Variants in RPE65 observed in about 807,000 individuals in gnomAD.
RPE65 encodes retinoid isomerohydrolase.
RPE65 carries 58 observed loss-of-function variants against 68.5 expected under a neutral mutation model. The ratio of observed to expected loss-of-function variants is 0.85; its 90% confidence interval spans 0.69 to 1.05. The LOEUF (loss-of-function observed/expected upper bound fraction) is 1.05, where lower values mean the gene tolerates loss of function less well. Ranked by LOEUF, RPE65 falls within the 50% of genes least tolerant of loss-of-function variation. The pLI is 0.00. For missense variants in RPE65, 643 were observed against 629.9 expected (o/e 1.02, Z -0.22); for synonymous variants, 220 against 222.2 (o/e 0.99, Z 0.09).
chr1:68,441,114 C>T (rs1296977259), intron 5 of RPE65, 114 bp from the exon 6 acceptor site: 1 of 1,219,838 alleles, frequency 8.2e-7, no homozygotes, highest in Non-Finnish European at 1.2e-6. Flanking sequence ...GTGCACTTCT[C>T]TTTCTTCCCA....
intron 1 of RPE65, 132 bp downstream of exon 1, chr1:68,449,763 T>G (rs1449616503): frequency 2.8e-6 from 3 of 1,074,154 alleles, no homozygotes; most frequent in Non-Finnish European, 4.2e-6. Context: ...AGGAAAAAAT[T>G]TCCCCACCAA....
chr1:68,433,989 G>T (rs1645843619), intron 10 of RPE65, among the ~76,000 whole-genome samples: 1 of 151,808 alleles, frequency 6.6e-6, no homozygotes, highest in South Asian at 2.1e-4. Context: ...AATTGCAGTA[G>T]GGCAAGTGAT....
intron 6 of RPE65, among the ~76,000 whole-genome samples, 168 bp from the exon 7 acceptor site, chr1:68,439,810 C>G (rs949765668): frequency 3.3e-5 from 5 of 152,060 alleles, no homozygotes; most frequent in African/African-American, 1.2e-4. Context: ...TCATGTGAAG[C>G]TGCAAAATCA....
At position 68,439,863 on chromosome 1, in the gene RPE65, C is replaced by A. The variant is rs12058579; in HGVS notation, c.644-221G>T. ...AGCAGCAGATTTGGAAACGTGCACT[C>A]AAATAGGGTTGTGGCAAGTGGAGTG... On this transcript the variant is annotated intron_variant, in intron 6 of 13. Coordinates refer to ENST00000262340, the MANE Select transcript of RPE65 (RefSeq NM_000329.3). 1.8e-3 allele frequency among the ~76,000 whole-genome samples: 272 copies of A among 152,208 alleles called. 1 individual carries two copies. Among genetic ancestry groups the A allele is most frequent in the African/African-American group, 5.0e-3 (208 of 41,532 alleles).
chr1:68,429,730 G>A lies in RPE65; in HGVS notation c.*46C>T, dbSNP rs1432545469. On this transcript the variant is annotated 3_prime_UTR_variant, in exon 14 of 14. Transcript: ENST00000262340. Reference sequence around the variant, plus strand: ...AGAATTTGATTGCAGACCTGAAGCTGATTTTCTCAGTTTTGCTACCAAAAA... The same window carrying A: ...AGAATTTGATTGCAGACCTGAAGCTAATTTTCTCAGTTTTGCTACCAAAAA... 3 of 1,611,492 alleles carry A rather than the reference G, an allele frequency of 1.9e-6. No individual in the cohort carries two copies. Among genetic ancestry groups the A allele is most frequent in the South Asian group, 1.1e-5 (1 of 90,914 alleles).
intron 9 of RPE65, among the ~76,000 whole-genome samples, chr1:68,438,587 G>C (rs890241924): frequency 1.2e-4 from 18 of 152,144 alleles, no homozygotes. Flanking sequence ...CTTAGGTGCT[G>C]TTGTCTTCTT....
intron 7 of RPE65, 91 bp from the exon 8 acceptor site, chr1:68,439,414 G>C: frequency 6.3e-7 from 1 of 1,575,784 alleles, no homozygotes; most frequent in South Asian, 1.1e-5. Flanking sequence ...TCAGTTACAA[G>C]AATCAACAGT....
At chr1:68,446,983 A>T in intron 2 of RPE65, 123 bp from the exon 3 acceptor site, 1 of 1,337,022 alleles carries the variant, frequency 7.5e-7, no homozygotes, top group Non-Finnish European at 1.1e-6. Context: ...GCTGGCAGTG[A>T]TTTTCATTTC....
intron 10 of RPE65, among the ~76,000 whole-genome samples, chr1:68,437,318 C>A (rs1645868727): frequency 6.6e-6 from 1 of 152,296 alleles, no homozygotes. Flanking sequence ...GCATTTTTAA[C>A]TCCTCCTTGC....
Position 68,432,594 on chromosome 1 carries a change from A to AT in RPE65, c.1129-1010dup, listed in dbSNP as rs1298167186. 1.4e-4 allele frequency among the ~76,000 whole-genome samples: 21 copies of AT among 152,244 alleles called. 1 individual carries two copies. The East Asian group carries it at 3.7e-3, about 27-fold the overall frequency. ...CATCAAAGAGTCCAGTGTGGATTCT[A>AT]TCAACTGAGCTAGGGGAGAGAATAA... On this transcript the variant is annotated intron_variant, in intron 10 of 13. Coordinates refer to ENST00000262340, the MANE Select transcript of RPE65 (RefSeq NM_000329.3).
Position 68,440,115 on chromosome 1 carries a change from A to G in RPE65, c.644-473T>C, listed in dbSNP as rs1012804100. On this transcript the variant is annotated intron_variant, in intron 6 of 13. Coordinates refer to ENST00000262340, the MANE Select transcript of RPE65 (RefSeq NM_000329.3). ...ACTTTAGTGTGCATCAGAATCACAT[A>G]AAGAGTTTCTTAAAATACTGATTGC... 5.3e-5 allele frequency among the ~76,000 whole-genome samples: 8 copies of G among 152,196 alleles called. 1 individual carries two copies. The highest frequency in any genetic ancestry group is 1.9e-4 in the African/African-American group (8 of 41,452).
chr1:68,429,895 C>T lies in RPE65; in HGVS notation c.1483G>A (p.Ala495Thr), dbSNP rs1645807815. Residue 495 changes from alanine (A) to threonine (T), a missense_variant, in exon 14 of 14, where the codon GCA (alanine) becomes ACA (threonine). Transcript: ENST00000262340. ...VVLSVVVSPG[A>T]GQKPAYLLIL... ...AGGAGATAAGCAGGCTTTTGTCCTG[C>T]TCCTGGGCTCACCACCACACTCAGA... 4 of 1,613,440 alleles carry T rather than the reference C, an allele frequency of 2.5e-6. No homozygotes were observed. The highest frequency in any genetic ancestry group is 1.1e-5 in the South Asian group (1 of 91,052).
At chr1:68,441,594 T>C (rs1645903075) in intron 5 of RPE65, among the ~76,000 whole-genome samples, 3 of 152,130 alleles carry the variant, frequency 2.0e-5, no homozygotes, top group East Asian at 3.9e-4. Flanking sequence ...TTCAATTTTA[T>C]GTCTCATAAG....
At chr1:68,438,086 C>G (rs1645873520) in intron 10 of RPE65, 101 bp downstream of exon 10, 7 of 1,463,912 alleles carry the variant, frequency 4.8e-6, no homozygotes. Flanking sequence ...TTCTAGCTCT[C>G]AAATTTCAAG....
intron 2 of RPE65, among the ~76,000 whole-genome samples, chr1:68,447,742 G>C (rs1417682546): frequency 6.6e-6 from 1 of 152,156 alleles, no homozygotes; most frequent in Non-Finnish European, 1.5e-5. Context: ...CCAGCTACTT[G>C]GAAAGGCTGA....
At chr1:68,446,676 T>TGAG (rs755926386) in intron 3 of RPE65, 34 bp downstream of exon 3, 2 of 1,613,786 alleles carry the variant, frequency 1.2e-6, no homozygotes, top group Non-Finnish European at 1.7e-6. Context: ...GGCCCTACTT[T>TGAG]GAGGAGGAGG....
At chr1:68,440,617 T>C (rs765220396) in intron 6 of RPE65, among the ~76,000 whole-genome samples, 1 of 152,204 alleles carries the variant, frequency 6.6e-6, no homozygotes, top group South Asian at 2.1e-4. Flanking sequence ...TTTTTAATAT[T>C]CTAGAAGAGA....
intron 10 of RPE65, among the ~76,000 whole-genome samples, chr1:68,432,392 G>A (rs1321494969): frequency 6.6e-6 from 1 of 152,186 alleles, no homozygotes; most frequent in Non-Finnish European, 1.5e-5. Context: ...TGAAGGGTAA[G>A]CGGTTAAAAT....
chr1:68,432,364 GA>G (rs1645833110), intron 10 of RPE65, among the ~76,000 whole-genome samples: 1 of 152,010 alleles, frequency 6.6e-6, no homozygotes, highest in Non-Finnish European at 1.5e-5. Flanking sequence ...TAGAATAGAG[GA>G]AAAAAGATCA....
Sources: gnomAD v4.1 joint callset for allele counts (sites outside exome capture counted in the v4.1 genomes callset) on GRCh38, gnomAD v4.1.1 for gene constraint, MANE v1.5 for transcripts, NCBI Gene and HGNC (gene_info 2026-07-23, HGNC 2026-07-21) for gene names.